Variants in CHD7 observed in about 807,000 individuals in gnomAD.
CHD7 encodes the protein ATP-dependent chromatin remodeler CHD7.
CHD7 carries 24 observed loss-of-function variants against 307.3 expected under a neutral mutation model. The observed-to-expected ratio is 0.08, with a 90% confidence interval of 0.06 to 0.11. The LOEUF (loss-of-function observed/expected upper bound fraction) is 0.11. CHD7 is among the 10% of genes least tolerant of loss of function. The pLI is 1.00. For synonymous variants in CHD7, 1,363 were observed against 1,349.9 expected (o/e 1.01, Z -0.21); for missense variants, 3,106 against 3,727.1 (o/e 0.83, Z 4.34).
intron 2 of CHD7, among the ~76,000 whole-genome samples, chr8:60,752,720 A>G (rs1809698599): frequency 6.6e-6 from 1 of 152,220 alleles, no homozygotes; most frequent in African/African-American, 2.4e-5. Context: ...ATTTTCTTCC[A>G]TTAAAAAACA....
intron 1 of CHD7, among the ~76,000 whole-genome samples, chr8:60,718,249 G>T (rs932238585): frequency 2.0e-5 from 3 of 152,204 alleles, no homozygotes; most frequent in African/African-American, 7.2e-5. Context: ...GGCTAAGGTG[G>T]GTGGATCACC....
At chr8:60,801,467 C>T in intron 5 of CHD7, 61 bp from the exon 6 acceptor site, 3 of 1,250,920 alleles carry the variant, frequency 2.4e-6, no homozygotes, top group South Asian at 1.3e-5. Context: ...TGATTTCTTG[C>T]TCTTATAGCT....
chr8:60,718,004 C>T (rs1291596208), intron 1 of CHD7, among the ~76,000 whole-genome samples: 1 of 151,992 alleles, frequency 6.6e-6, no homozygotes, highest in Non-Finnish European at 1.5e-5. Flanking sequence ...GCAGGTCCTT[C>T]AGGGGATATT....
chr8:60,681,181 C>G (rs111263403), intron 1 of CHD7, among the ~76,000 whole-genome samples: 6 of 152,288 alleles, frequency 3.9e-5, no homozygotes, highest in African/African-American at 1.4e-4. Flanking sequence ...AGCAGCATGG[C>G]TACCTGATTT....
intron 2 of CHD7, among the ~76,000 whole-genome samples, chr8:60,764,520 A>G (rs1490644379): frequency 6.6e-6 from 1 of 152,152 alleles, no homozygotes; most frequent in African/African-American, 2.4e-5. Context: ...GAATGAGATG[A>G]GGGATTGCAA....
At chr8:60,816,109 GTCTGTCTCTCTCTCTCTCTCTC>G (rs1803725654) in intron 7 of CHD7, among the ~76,000 whole-genome samples, 1 of 67,026 alleles carries the variant, frequency 1.5e-5, no homozygotes, top group African/African-American at 5.9e-5. Flanking sequence ...CTGTCTGTCT[GTCTGTCTCTCTCTCTCTCTCTC>G]TCTCTCTCTC....
Position 60,862,147 on chromosome 8 carries a change from G to C in CHD7, c.7831-49G>C, listed in dbSNP as rs754633186. 3.6e-5 allele frequency: 53 copies of C among 1,476,230 alleles called. 1 individual carries two copies. The Middle Eastern group carries it at 1.7e-3, about 47-fold the overall frequency. 91.4% of individuals were successfully genotyped at this position (1,476,230 alleles called of 1,614,324 possible). On this transcript the variant is annotated intron_variant, in intron 35 of 37. Transcript: ENST00000423902. Reference sequence around the variant, plus strand: ...TTCTCTTTGGCATTTATATAGAGAAGAATAAGTACTAAATACCAATTTTAC... The same window carrying C: ...TTCTCTTTGGCATTTATATAGAGAACAATAAGTACTAAATACCAATTTTAC...
intron 7 of CHD7, 98 bp downstream of exon 7, chr8:60,808,370 A>G (rs1324175297): frequency 1.3e-6 from 1 of 787,430 alleles, no homozygotes; most frequent in African/African-American, 1.8e-5. Flanking sequence ...AAACTTTGGT[A>G]TGATTTCTTT....
At chr8:60,862,690 A>G in intron 37 of CHD7, 38 bp downstream of exon 37, 1 of 1,368,636 alleles carries the variant, frequency 7.3e-7, no homozygotes, top group South Asian at 1.3e-5. Context: ...AAAGGTAGCT[A>G]TACAAAACTG....
chr8:60,695,855 T>C (rs1385180767), intron 1 of CHD7, among the ~76,000 whole-genome samples: 1 of 152,262 alleles, frequency 6.6e-6, no homozygotes, highest in Non-Finnish European at 1.5e-5. Context: ...TGGTGAGACC[T>C]GCACACTCAC....
chr8:60,736,303 T>G (rs1381355328), intron 1 of CHD7, among the ~76,000 whole-genome samples: 1 of 152,086 alleles, frequency 6.6e-6, no homozygotes, highest in Non-Finnish European at 1.5e-5. Context: ...GGTGGGGCAG[T>G]GGGAGGAGAT....
rs1804374278 is a variant in CHD7 at position 60,828,906 on chromosome 8, T to A, written c.3522+100T>A. 42 of 1,115,110 alleles carry A rather than the reference T, an allele frequency of 3.8e-5. 1 individual carries two copies. In the South Asian group the frequency reaches 6.1e-4, roughly 16 times the overall value. 69.1% of individuals were successfully genotyped at this position (1,115,110 alleles called of 1,614,324 possible). On this transcript the variant is annotated intron_variant, in intron 14 of 37. Transcript: ENST00000423902. ...ATTTTAAAGTGTGATTATATTACAG[T>A]TTTTCCCACCTAGTACACAGAACCT...
intron 1 of CHD7, among the ~76,000 whole-genome samples, chr8:60,721,613 A>G (rs1807910709): frequency 6.6e-6 from 1 of 152,232 alleles, no homozygotes; most frequent in African/African-American, 2.4e-5. Flanking sequence ...GCAGACTGCC[A>G]GGGCTTACTC....
intron 1 of CHD7, among the ~76,000 whole-genome samples, chr8:60,695,522 T>G: frequency 6.6e-6 from 1 of 152,208 alleles, no homozygotes; most frequent in African/African-American, 2.4e-5. Context: ...TACTTGACCT[T>G]TCTTTTGGAG....
chr8:60,849,137 T>C lies in CHD7; in HGVS notation c.5387T>C (p.Ile1796Thr). The C allele has an allele frequency of 3.7e-6, 6 of 1,612,046 alleles. No homozygotes were observed. Among genetic ancestry groups the C allele is most frequent in the Non-Finnish European group, 5.1e-6 (6 of 1,178,216 alleles). Residue 1796 changes from isoleucine (I) to threonine (T), a missense_variant, in exon 25 of 38, where the codon ATT (isoleucine) becomes ACT (threonine). Ile to Thr is a moderately conservative substitution (Grantham distance 89, BLOSUM62 -1). Coordinates refer to ENST00000423902, the MANE Select transcript of CHD7 (RefSeq NM_017780.4). Reference protein sequence around the residue: ...WDKEADKSLLIGVFKHGYEKY... With the variant: ...WDKEADKSLLTGVFKHGYEKY... ...AAGGAAGCAGACAAATCCCTCTTAATTGGAGTGTTCAAACATGGTAAGTGA... is the reference window on the plus strand; with the variant it reads ...AAGGAAGCAGACAAATCCCTCTTAACTGGAGTGTTCAAACATGGTAAGTGA...
chr8:60,700,120 G>C (rs575590428), intron 1 of CHD7, among the ~76,000 whole-genome samples: 42 of 152,220 alleles, frequency 2.8e-4, no homozygotes, highest in African/African-American at 9.9e-4. Context: ...TTATAGGTGT[G>C]AGCCACCGTG....
rs1363359466 is a variant in CHD7, at chr8:60,862,580, T to G, written c.8004T>G (p.Asp2668Glu). 2 of 1,578,256 alleles carry G rather than the reference T, an allele frequency of 1.3e-6. No homozygotes were observed. Among genetic ancestry groups the G allele is most frequent in the East Asian group, 4.6e-5 (2 of 43,326 alleles). ...MGGAMAPPMK[D>E]LPRWLEENPE... ...GAGCTATGGCGCCTCCAATGAAGGA[T>G]CTACCCAGGTGGCTGGAAGAAAATC... is the stretch of plus-strand genomic sequence containing the variant. The change falls in exon 37 of 38, where the codon GAT becomes GAG. Residue 2668 changes from aspartate to glutamate, a missense_variant. Around this residue, in one of 10 missense-constraint regions of CHD7, gnomAD observed 59 missense variants for 106.2 expected, o/e 0.56. Coordinates refer to ENST00000423902, the MANE Select transcript of CHD7 (RefSeq NM_017780.4).
At position 60,856,085 on chromosome 8, in the gene CHD7, C is replaced by T. The variant is rs1173518869; in HGVS notation, c.7047C>T (p.Tyr2349=). ...ATTTCCAAGGCCTCATCCCAGGTTACACACCCACCACAGTGGACAGCCCCT... is the reference window on the plus strand; with the variant it reads ...ATTTCCAAGGCCTCATCCCAGGTTATACACCCACCACAGTGGACAGCCCCT... ...MFDFQGLIPG[Y]TPTTVDSPLQ... Residue 2349 remains tyrosine (Y), a synonymous_variant, in exon 33 of 38, where the codon TAC becomes TAT. Transcript: ENST00000423902. The T allele has an allele frequency of 6.2e-7, 1 of 1,611,372 alleles. No homozygotes were observed. Among genetic ancestry groups the T allele is most frequent in the Non-Finnish European group, 8.5e-7 (1 of 1,178,670 alleles).
chr8:60,835,044 G>C (rs1436183727), intron 15 of CHD7, among the ~76,000 whole-genome samples: 2 of 152,228 alleles, frequency 1.3e-5, no homozygotes. Context: ...AGATGAATGT[G>C]TGTGTTTGTA....
Sources: gnomAD v4.1 joint callset for allele counts (sites outside exome capture counted in the v4.1 genomes callset) on GRCh38, gnomAD v4.1.1 for gene constraint, gnomAD v4.1.1 regional missense constraint, MANE v1.5 for transcripts, NCBI Gene and HGNC (gene_info 2026-07-23, HGNC 2026-07-21) for gene names.